DDA1: variants seen among roughly 807,000 people sequenced by gnomAD.
The protein encoded by DDA1 is DET1 and DDB1 associated 1, also known as DET1- and DDB1-associated protein 1.
A neutral mutation model predicts 18.6 loss-of-function variants in DDA1; 3 were observed. That is an observed-to-expected ratio of 0.16 (90% CI 0.07 to 0.42). The LOEUF (loss-of-function observed/expected upper bound fraction) is 0.42, where lower values mean the gene tolerates loss of function less well. Ranked by LOEUF, DDA1 falls within the 10% of genes least tolerant of loss-of-function variation. The probability of loss-of-function intolerance (pLI) is 0.99; values close to 1 mark genes in which losing one functional copy is unlikely to be tolerated. For missense variants in DDA1, 105 were observed against 138.2 expected (o/e 0.76, Z 1.20); for synonymous variants, 52 against 54.0 (o/e 0.96, Z 0.17).
At chr19:17,319,145 G>A (rs1482757042) in intron 4 of DDA1, among the ~76,000 whole-genome samples, 1 of 152,168 alleles carries the variant, frequency 6.6e-6, no homozygotes, top group African/African-American at 2.4e-5. Flanking sequence ...TGGTGGGGGT[G>A]ACTCCGGGTG....
Position 17,314,312 on chromosome 19 carries a change from C to T in DDA1, c.85-26C>T, listed in dbSNP as rs1331502880. On this transcript the variant is annotated intron_variant, in intron 2 of 4. Coordinates refer to ENST00000359866, the MANE Select transcript of DDA1 (RefSeq NM_024050.6). This position sits in a 1 kb window ranked among gnomAD's most constrained non-coding sequence, Gnocchi z 4.6. ...ACCCCAGGCCCATGCACTCTCCTAA[C>T]CCACCCCTTCTCAACCCTCCTGCAG... 1.2e-6 allele frequency: 2 copies of T among 1,614,160 alleles called. No homozygotes were observed. Among genetic ancestry groups the T allele is most frequent in the Admixed American group, 3.3e-5 (2 of 60,028 alleles).
Position 17,319,969 on chromosome 19 carries a change from C to A in DDA1, c.*313C>A. The A allele has an allele frequency of 3.5e-6, 1 of 287,468 alleles. No individual in the cohort carries two copies. The highest frequency in any genetic ancestry group is 6.7e-6 in the Non-Finnish European group (1 of 149,636). The allele number at this position is 287,468 out of a possible 1,614,324, so 17.8% of individuals were successfully genotyped here. A position where few individuals can be genotyped will look rare whatever the true frequency, so the allele number is the denominator to read the frequency against. On this transcript the variant is annotated 3_prime_UTR_variant, in exon 5 of 5. Transcript: ENST00000359866. Reference sequence around the variant, plus strand: ...CATCGGGCCAGTTCCCCGATTCCTGCCCCCAGTTCTCCAGAGAACCAGAGT... The same window carrying A: ...CATCGGGCCAGTTCCCCGATTCCTGACCCCAGTTCTCCAGAGAACCAGAGT...
At chr19:17,318,461 C>T (rs537432284) in intron 4 of DDA1, among the ~76,000 whole-genome samples, 13 of 152,182 alleles carry the variant, frequency 8.5e-5, no homozygotes, top group African/African-American at 3.1e-4. Context: ...GAACTCCCGA[C>T]CTCAGGTGAT....
intron 1 of DDA1, among the ~76,000 whole-genome samples, chr19:17,312,578 A>G (rs1299518978): frequency 6.6e-6 from 1 of 152,148 alleles, no homozygotes; most frequent in Non-Finnish European, 1.5e-5. Context: ...CAGTGCCTGC[A>G]TCCCTGCGTC....
intron 1 of DDA1, among the ~76,000 whole-genome samples, chr19:17,309,938 G>A (rs1468220688): frequency 6.7e-6 from 1 of 149,016 alleles, no homozygotes; most frequent in Non-Finnish European, 1.5e-5. Flanking sequence ...GAAATCGTCT[G>A]GGGTGGGGAT....
At chr19:17,311,450 C>T (rs777589177) in intron 1 of DDA1, among the ~76,000 whole-genome samples, 7 of 152,174 alleles carry the variant, frequency 4.6e-5, no homozygotes, top group African/African-American at 1.4e-4. Context: ...CCACTGCGCC[C>T]GGCCAGAAGG....
rs573646037 is a variant in DDA1 at position 17,314,802 on chromosome 19, C to T, written c.136+413C>T. On this transcript the variant is annotated intron_variant, in intron 3 of 4. Transcript: ENST00000359866. The surrounding 1 kb of genome is among the most constrained non-coding windows in gnomAD (Gnocchi z 4.6). ...ACTCTGGTTCTAAGACAAGTGCTATCGGGCAGAGAGGCAGCAGAGGGCTAC... is the reference window on the plus strand; with the variant it reads ...ACTCTGGTTCTAAGACAAGTGCTATTGGGCAGAGAGGCAGCAGAGGGCTAC... The T allele has an allele frequency of 2.9e-4, 63 of 215,022 alleles. No individual in the cohort carries two copies. The highest frequency in any genetic ancestry group is 1.3e-3 in the African/African-American group (55 of 43,288). 13.3% of individuals were successfully genotyped at this position (215,022 alleles called of 1,614,324 possible). A position where few individuals can be genotyped will look rare whatever the true frequency, so the allele number is the denominator to read the frequency against.
rs2074195460 is a variant in DDA1, at chr19:17,314,939, G to A, written c.136+550G>A. On this transcript the variant is annotated intron_variant, in intron 3 of 4. Transcript: ENST00000359866. The surrounding 1 kb of genome is among the most constrained non-coding windows in gnomAD (Gnocchi z 4.6). ...TTGGTCTTGCTGTCTTAGTTTAACT[G>A]TTCAAAAAGACTCCACACCAGGTGG... Among the ~76,000 whole-genome samples, 1 of 151,774 alleles carries A rather than the reference G, an allele frequency of 6.6e-6. No homozygotes were observed. Among genetic ancestry groups the A allele is most frequent in the African/African-American group, 2.4e-5 (1 of 41,330 alleles).
Position 17,315,925 on chromosome 19 carries a change from C to A in DDA1, c.137-9C>A, listed in dbSNP as rs902389005. 2.5e-6 allele frequency: 4 copies of A among 1,613,928 alleles called. No individual in the cohort carries two copies. The African/African-American group carries it at 4.0e-5, about 16-fold the overall frequency. On this transcript the variant is annotated splice_polypyrimidine_tract_variant and intron_variant, in intron 3 of 4. Coordinates refer to ENST00000359866, the MANE Select transcript of DDA1 (RefSeq NM_024050.6). Reference sequence around the variant, plus strand: ...GGCGTCTGCGACTTTCTCTATCTTTCCTCCTTAGTCATCGTGACAGAAAAG... The same window carrying A: ...GGCGTCTGCGACTTTCTCTATCTTTACTCCTTAGTCATCGTGACAGAAAAG...
chr19:17,315,361 CGCT>C (rs1568354105), intron 3 of DDA1, among the ~76,000 whole-genome samples: 3 of 102,850 alleles, frequency 2.9e-5, no homozygotes, highest in South Asian at 5.9e-4. Context: ...TATATATATA[CGCT>C]ATATATATAC....
At position 17,314,157 on chromosome 19, in the gene DDA1, G is replaced by C. The variant is rs2074191696; in HGVS notation, c.84+54G>C. ...AATTGGTCACTTCCAGGGGGCCTGGGGGCAGCTTGTGTCCCCCGATTGGGG... is the reference window on the plus strand; with the variant it reads ...AATTGGTCACTTCCAGGGGGCCTGGCGGCAGCTTGTGTCCCCCGATTGGGG... On this transcript the variant is annotated intron_variant, in intron 2 of 4. Transcript: ENST00000359866. This position sits in a 1 kb window ranked among gnomAD's most constrained non-coding sequence, Gnocchi z 4.6. The C allele has an allele frequency of 8.1e-6, 13 of 1,596,554 alleles. No homozygotes were observed. The highest frequency in any genetic ancestry group is 1.7e-5 in the Admixed American group (1 of 59,840).
At position 17,315,720 on chromosome 19, in the gene DDA1, G is replaced by A. The variant is rs1012621990; in HGVS notation, c.137-214G>A. 1.4e-5 allele frequency: 9 copies of A among 638,026 alleles called. No homozygotes were observed. The Middle Eastern group carries it at 1.8e-3, about 124-fold the overall frequency. 39.5% of individuals were successfully genotyped at this position (638,026 alleles called of 1,614,324 possible). On this transcript the variant is annotated intron_variant, in intron 3 of 4. Transcript: ENST00000359866. ...GGGGCTTGGTCCCCCACCAAGGGTG[G>A]AATCCCTTGCAGGGAGCCGGGACCC...
rs999300395 is a variant in DDA1, at chr19:17,320,645, C to G, written c.*989C>G. 1 of 152,570 alleles carries G rather than the reference C, an allele frequency of 6.6e-6. No homozygotes were observed. Among genetic ancestry groups the G allele is most frequent in the Admixed American group, 6.5e-5 (1 of 15,294 alleles). 9.5% of individuals were successfully genotyped at this position (152,570 alleles called of 1,614,324 possible). A position where few individuals can be genotyped will look rare whatever the true frequency, so the allele number is the denominator to read the frequency against. On this transcript the variant is annotated 3_prime_UTR_variant, in exon 5 of 5. Coordinates refer to ENST00000359866, the MANE Select transcript of DDA1 (RefSeq NM_024050.6). The stretch of plus-strand genomic sequence containing the variant: ...GGCCTCATCCGGGGGCCTGGGGTCT[C>G]TGGCCTCTGCTGCTCCCCTGAGGCA...
chr19:17,317,382 C>T (rs1044387586), intron 4 of DDA1, among the ~76,000 whole-genome samples: 9 of 151,178 alleles, frequency 6.0e-5, no homozygotes, highest in Admixed American at 3.9e-4. Flanking sequence ...CTGGGTGTGG[C>T]GGCGGGTGCC....
rs2074191526 is a variant in DDA1 at position 17,314,137 on chromosome 19, G to A, written c.84+34G>A. ...GTGTTCCTGGGACTGGGAGGAATTG[G>A]TCACTTCCAGGGGGCCTGGGGGCAG... On this transcript the variant is annotated intron_variant, in intron 2 of 4. Coordinates refer to ENST00000359866, the MANE Select transcript of DDA1 (RefSeq NM_024050.6). This position sits in a 1 kb window ranked among gnomAD's most constrained non-coding sequence, Gnocchi z 4.6. 11 of 1,610,082 alleles carry A rather than the reference G, an allele frequency of 6.8e-6. No homozygotes were observed. Among genetic ancestry groups the A allele is most frequent in the Non-Finnish European group, 8.5e-6 (10 of 1,176,600 alleles).
At chr19:17,316,710 TA>T (rs1467056786) in intron 4 of DDA1, among the ~76,000 whole-genome samples, 5 of 150,076 alleles carry the variant, frequency 3.3e-5, no homozygotes, top group South Asian at 4.2e-4. Context: ...CTGTCTCTAC[TA>T]AAAAATACAA....
intron 1 of DDA1, among the ~76,000 whole-genome samples, chr19:17,312,412 T>G (rs1483665272): frequency 6.6e-6 from 1 of 151,916 alleles, no homozygotes; most frequent in Non-Finnish European, 1.5e-5. Context: ...GTGTTGGAGC[T>G]GGTGGGGAGG....
intron 3 of DDA1, among the ~76,000 whole-genome samples, chr19:17,315,465 G>A (rs57633194): frequency 0.013 from 1,099 of 84,050 alleles, 24 homozygotes; most frequent in African/African-American, 0.073. Flanking sequence ...TTAGCCGGGC[G>A]TGGTGGCATG....
intron 1 of DDA1, among the ~76,000 whole-genome samples, chr19:17,312,311 G>A (rs2074182766): frequency 6.6e-6 from 1 of 152,184 alleles, no homozygotes; most frequent in Non-Finnish European, 1.5e-5. Context: ...AGCCAGGGAG[G>A]TGGACATGTA....
Sources: allele counts gnomAD v4.1 joint callset (sites outside exome capture counted in the v4.1 genomes callset), GRCh38; gene constraint gnomAD v4.1.1; non-coding constraint Gnocchi (gnomAD v3.1); transcripts MANE v1.5; gene names NCBI Gene and HGNC (gene_info 2026-07-23, HGNC 2026-07-21).